CUEDC2: variants seen among roughly 807,000 people sequenced by gnomAD.
CUEDC2 encodes CUE domain-containing protein 2.
Under a neutral mutation model 36.0 loss-of-function variants are expected in CUEDC2, and 10 were observed. That is an observed-to-expected ratio of 0.28 (90% CI 0.17 to 0.47). The LOEUF (loss-of-function observed/expected upper bound fraction) is 0.47. Ranked by LOEUF, CUEDC2 falls within the 20% of genes least tolerant of loss-of-function variation. The pLI is 0.99. For missense variants in CUEDC2, 269 were observed against 368.1 expected, an observed-to-expected ratio of 0.73 and a Z score of 2.20; for synonymous variants, 133 against 141.8, an observed-to-expected ratio of 0.94 and a Z score of 0.44.
At position 102,424,841 on chromosome 10, in the gene CUEDC2, C is replaced by T; in HGVS notation, c.75-49G>A. 1 of 1,592,344 alleles carries T rather than the reference C, an allele frequency of 6.3e-7. No individual in the cohort carries two copies. Among genetic ancestry groups the T allele is most frequent in the Non-Finnish European group, 8.5e-7 (1 of 1,170,218 alleles). On this transcript the variant is annotated intron_variant, in intron 2 of 8. Transcript: ENST00000369937. This position sits in a 1 kb window ranked among gnomAD's most constrained non-coding sequence, Gnocchi z 4.2. ...CCCTGGGTAGGACACTGGATGCCTC[C>T]AGCACCCCCACCTATCCTGAGACTC...
At chr10:102,428,575 G>A (rs932103126) in intron 1 of CUEDC2, among the ~76,000 whole-genome samples, 1 of 152,114 alleles carries the variant, frequency 6.6e-6, no homozygotes, top group African/African-American at 2.4e-5. Context: ...CTGATCTTTT[G>A]GGTCTCATTT....
chr10:102,423,324 G>T lies in CUEDC2; in HGVS notation c.*102C>A. ...TAACACTATGGAGCAAAGGAGTAGA[G>T]AAGGGGGACAGGAGTTAGGGGGCCC... On this transcript the variant is annotated 3_prime_UTR_variant, in exon 9 of 9. Coordinates refer to ENST00000369937, the MANE Select transcript of CUEDC2 (RefSeq NM_024040.3). This position sits in a 1 kb window ranked among gnomAD's most constrained non-coding sequence, Gnocchi z 5.6. 1.4e-6 allele frequency: 2 copies of T among 1,394,434 alleles called. No individual in the cohort carries two copies. Among genetic ancestry groups the T allele is most frequent in the African/African-American group, 1.4e-5 (1 of 70,158 alleles). The allele number at this position is 1,394,434 out of a possible 1,614,324, so 86.4% of individuals were successfully genotyped here. A position where few individuals can be genotyped will look rare whatever the true frequency, so the allele number is the denominator to read the frequency against.
At chr10:102,431,454 C>T (rs1565238493) in intron 1 of CUEDC2, among the ~76,000 whole-genome samples, 1 of 152,138 alleles carries the variant, frequency 6.6e-6, no homozygotes, top group Non-Finnish European at 1.5e-5. Flanking sequence ...GTATTATCCA[C>T]ATTTTACCTG....
At chr10:102,429,901 C>T (rs1034001625) in intron 1 of CUEDC2, among the ~76,000 whole-genome samples, 10 of 149,958 alleles carry the variant, frequency 6.7e-5, no homozygotes, top group Non-Finnish European at 1.5e-4. Context: ...CAGGGTCAAG[C>T]AATTCTCCTG....
chr10:102,425,056 A>C (rs943928228), intron 2 of CUEDC2, 59 bp downstream of exon 2: 20 of 1,441,368 alleles, frequency 1.4e-5, no homozygotes, highest in African/African-American at 4.2e-5. Context: ...TACCCATAGT[A>C]CTGCCCGGCA....
chr10:102,432,036 G>A (rs1033742597), intron 1 of CUEDC2, among the ~76,000 whole-genome samples: 1 of 152,098 alleles, frequency 6.6e-6, no homozygotes, highest in Non-Finnish European at 1.5e-5. Flanking sequence ...GGTCTTCACT[G>A]CTTCTCCCAG....
At position 102,423,494 on chromosome 10, in the gene CUEDC2, G is replaced by T; in HGVS notation, c.796C>A (p.Pro266Thr). 1 of 1,614,184 alleles carries T rather than the reference G, an allele frequency of 6.2e-7. No homozygotes were observed. The highest frequency in any genetic ancestry group is 8.5e-7 in the Non-Finnish European group (1 of 1,180,020). Residue 266 changes from proline to threonine, a missense_variant, in exon 9 of 9, where the codon CCT becomes ACT. Transcript: ENST00000369937. The surrounding 1 kb of genome is among the most constrained non-coding windows in gnomAD (Gnocchi z 5.6). Reference sequence around the variant, plus strand: ...GTGGCCTTCATCTCCTCGGCCTCAGGGTTCCGCACATCTTTGAATCGCTCC... The same window carrying T: ...GTGGCCTTCATCTCCTCGGCCTCAGTGTTCCGCACATCTTTGAATCGCTCC... ...KGERFKDVRN[P>T]EAEEMKATYI... is the part of the protein sequence containing the mutation.
At position 102,425,310 on chromosome 10, in the gene CUEDC2, T is replaced by C. The variant is rs183001797; in HGVS notation, c.-10-112A>G. ...CTGCTATGGAACCATCTGTTGATGC[T>C]GCCCTCTCTGTTCCCCCAAGTAGAA... On this transcript the variant is annotated intron_variant, in intron 1 of 8. Coordinates refer to ENST00000369937, the MANE Select transcript of CUEDC2 (RefSeq NM_024040.3). The C allele has an allele frequency of 1.7e-3, 1,272 of 727,316 alleles. 29 individuals carry two copies. Among genetic ancestry groups the C allele is most frequent in the Middle Eastern group, 1.9e-3 (6 of 3,202 alleles). The allele number at this position is 727,316 out of a possible 1,614,324, so 45.1% of individuals were successfully genotyped here. A position where few individuals can be genotyped will look rare whatever the true frequency, so the allele number is the denominator to read the frequency against.
chr10:102,426,445 A>G (rs2061596884), intron 1 of CUEDC2, among the ~76,000 whole-genome samples: 1 of 152,174 alleles, frequency 6.6e-6, no homozygotes, highest in South Asian at 2.1e-4. Context: ...CTGCTTCATC[A>G]GCTGACACCA....
At position 102,424,014 on chromosome 10, in the gene CUEDC2, G is replaced by A; in HGVS notation, c.576C>T (p.Ala192=). ...LVEGKEEGPA[A]WEGPNQDLPR... Reference sequence around the variant, plus strand: ...AAGATACCTGGTTGGGGCCCTCCCAGGCTGCAGGCCCCTCTTCCTTTCCCT... The same window carrying A: ...AAGATACCTGGTTGGGGCCCTCCCAAGCTGCAGGCCCCTCTTCCTTTCCCT... The change falls in exon 6 of 9, where the codon GCC becomes GCT. Residue 192 remains alanine, a synonymous_variant. Transcript: ENST00000369937. The surrounding 1 kb of genome is among the most constrained non-coding windows in gnomAD (Gnocchi z 4.2). 1 of 1,613,944 alleles carries A rather than the reference G, an allele frequency of 6.2e-7. No individual in the cohort carries two copies. Among genetic ancestry groups the A allele is most frequent in the East Asian group, 2.2e-5 (1 of 44,888 alleles).
rs1367391809 is a variant in CUEDC2, at chr10:102,424,070, C to A, written c.520G>T (p.Asp174Tyr). 2 of 1,614,134 alleles carry A rather than the reference C, an allele frequency of 1.2e-6. No individual in the cohort carries two copies. The highest frequency in any genetic ancestry group is 4.5e-5 in the East Asian group (2 of 44,882). ...AQWVLAKARG[D>Y]LEEAVQMLVE... ...AGCATCTGCACAGCTTCTTCCAAGT[C>A]CCCCCGAGCTTTGGCCAGCACCCAC... is the stretch of plus-strand genomic sequence containing the variant. Residue 174 changes from aspartate (D) to tyrosine (Y), a missense_variant, in exon 6 of 9, where the codon GAC (aspartate) becomes TAC (tyrosine). Transcript: ENST00000369937. The surrounding 1 kb of genome is among the most constrained non-coding windows in gnomAD (Gnocchi z 4.2).
rs1159468105 is a variant in CUEDC2, at chr10:102,424,557, G to A, written c.222C>T (p.Gly74=). The part of the protein sequence containing the change: ...YVPGFAHIPR[G]TIGDMMQKLS... ...GCTTCTGCATCATGTCCCCTATTGT[G>A]CCCCTGAAAAGATGAGGGCAGTGAG... The change falls in exon 4 of 9, where the codon GGC becomes GGT. Residue 74 remains glycine (G), a synonymous_variant. Coordinates refer to ENST00000369937, the MANE Select transcript of CUEDC2 (RefSeq NM_024040.3). The surrounding 1 kb of genome is among the most constrained non-coding windows in gnomAD (Gnocchi z 4.2). 1.2e-6 allele frequency: 2 copies of A among 1,613,992 alleles called. No individual in the cohort carries two copies. The highest frequency in any genetic ancestry group is 1.6e-4 in the Middle Eastern group (1 of 6,084).
rs989679173 is a variant in CUEDC2, at chr10:102,425,341, C to G, written c.-10-143G>C. On this transcript the variant is annotated intron_variant, in intron 1 of 8. Transcript: ENST00000369937. ...CTCTGTTCCCCCAAGTAGAACCATGCCCCCTCCTCCGCCCATCTCACCTCC... is the reference window on the plus strand; with the variant it reads ...CTCTGTTCCCCCAAGTAGAACCATGGCCCCTCCTCCGCCCATCTCACCTCC... 6 of 642,364 alleles carry G rather than the reference C, an allele frequency of 9.3e-6. No individual in the cohort carries two copies. In the Admixed American group the frequency reaches 1.3e-4, roughly 14 times the overall value. The allele number at this position is 642,364 out of a possible 1,614,324, so 39.8% of individuals were successfully genotyped here.
In CUEDC2 at chr10:102,425,151, G is replaced by A; in HGVS notation, c.38C>T (p.Ala13Val). The A allele has an allele frequency of 6.2e-7, 1 of 1,613,858 alleles. No homozygotes were observed. The highest frequency in any genetic ancestry group is 8.5e-7 in the Non-Finnish European group (1 of 1,179,938). The change falls in exon 2 of 9, where the codon GCC (alanine) becomes GTC (valine). Residue 13 changes from alanine to valine, a missense_variant. Ala to Val is a moderately conservative substitution (Grantham distance 64). Coordinates refer to ENST00000369937, the MANE Select transcript of CUEDC2 (RefSeq NM_024040.3). ...CTCCGGGAGGTGTGTCTGGACAAAG[G>A]CAAGGAGGGCTGCACTGACGATCCT... ...LERIVSAALL[A>V]FVQTHLPEAD...
chr10:102,425,310 T>G, intron 1 of CUEDC2, 112 bp from the exon 2 acceptor site: 2 of 727,320 alleles, frequency 2.7e-6, no homozygotes, highest in South Asian at 3.0e-5. Flanking sequence ...CTGTTGATGC[T>G]GCCCTCTCTG....
chr10:102,427,974 C>G (rs909141445), intron 1 of CUEDC2, among the ~76,000 whole-genome samples: 1 of 152,118 alleles, frequency 6.6e-6, no homozygotes, highest in African/African-American at 2.4e-5. Context: ...GACAGCCTCA[C>G]TCTGTTGCCC....
chr10:102,425,878 C>G (rs1489657356), intron 1 of CUEDC2, among the ~76,000 whole-genome samples: 1 of 152,110 alleles, frequency 6.6e-6, no homozygotes, highest in East Asian at 1.9e-4. Flanking sequence ...GCTCCCACCC[C>G]ACCTTCTGTC....
intron 1 of CUEDC2, among the ~76,000 whole-genome samples, chr10:102,431,977 G>C (rs563869491): frequency 1.3e-5 from 2 of 152,142 alleles, no homozygotes; most frequent in Non-Finnish European, 2.9e-5. Context: ...TAGTGTGAAA[G>C]GAGTCCTAGC....
intron 1 of CUEDC2, among the ~76,000 whole-genome samples, chr10:102,430,012 C>A (rs573789758): frequency 6.6e-6 from 1 of 151,328 alleles, no homozygotes; most frequent in African/African-American, 2.4e-5. Context: ...GTTGGCCAGG[C>A]TGGTCTCGAA....
Sources: allele counts gnomAD v4.1 joint callset (sites outside exome capture counted in the v4.1 genomes callset), GRCh38; gene constraint gnomAD v4.1.1; non-coding constraint Gnocchi (gnomAD v3.1); transcripts MANE v1.5; gene names NCBI Gene and HGNC (gene_info 2026-07-23, HGNC 2026-07-21).